Variants in EXOC4 observed in about 807,000 individuals in gnomAD.
EXOC4 encodes SEC8-like 1.
EXOC4 carries 71 observed loss-of-function variants against 107.2 expected under a neutral mutation model. The ratio of observed to expected loss-of-function variants is 0.66; its 90% CI spans 0.55 to 0.81. The LOEUF (loss-of-function observed/expected upper bound fraction) is 0.81. EXOC4 is among the 30% of genes least tolerant of loss of function. The pLI is 0.00. For synonymous variants in EXOC4, 456 were observed against 441.2 expected (o/e 1.03, Z -0.42); for missense variants, 1,108 against 1,189.6 (o/e 0.93, Z 1.01).
At chr7:133,599,814 AC>A in intron 9 of EXOC4, among the ~76,000 whole-genome samples, 1 of 151,484 alleles carries the variant, frequency 6.6e-6, no homozygotes, top group African/African-American at 2.4e-5. Flanking sequence ...ACTCATGTCC[AC>A]CTTGACATTA....
At chr7:133,894,475 A>G (rs1799255871) in intron 11 of EXOC4, among the ~76,000 whole-genome samples, 1 of 131,112 alleles carries the variant, frequency 7.6e-6, no homozygotes, top group African/African-American at 3.3e-5. Context: ...CTGGTGAGGA[A>G]CTGCGTTCCT....
intron 14 of EXOC4, among the ~76,000 whole-genome samples, chr7:133,991,784 G>T (rs1458387959): frequency 6.6e-6 from 1 of 152,050 alleles, no homozygotes; most frequent in Non-Finnish European, 1.5e-5. Context: ...TTATTTCTGG[G>T]TTCTCTATTC....
At chr7:133,671,318 C>CT (rs1386163083) in intron 10 of EXOC4, among the ~76,000 whole-genome samples, 1 of 152,152 alleles carries the variant, frequency 6.6e-6, no homozygotes, top group Non-Finnish European at 1.5e-5. Flanking sequence ...AATCACAGCA[C>CT]TTTGAGAGGC....
intron 10 of EXOC4, among the ~76,000 whole-genome samples, chr7:133,674,217 C>T (rs1199848223): frequency 1.3e-5 from 2 of 152,020 alleles, no homozygotes; most frequent in African/African-American, 2.4e-5. Context: ...AGCAATTGCT[C>T]GAAACCCTAG....
intron 9 of EXOC4, among the ~76,000 whole-genome samples, chr7:133,538,839 A>AG (rs1351882605): frequency 1.7e-5 from 2 of 118,424 alleles, no homozygotes; most frequent in Admixed American, 8.6e-5. Context: ...TCTTGAAAGA[A>AG]AAAGAAAGAA....
intron 9 of EXOC4, among the ~76,000 whole-genome samples, chr7:133,518,973 A>C (rs1375703485): frequency 6.6e-6 from 1 of 152,202 alleles, no homozygotes; most frequent in Non-Finnish European, 1.5e-5. Flanking sequence ...TAAAAATAGT[A>C]AAAATGGTAA....
chr7:133,541,596 C>G (rs1800380653), intron 9 of EXOC4, among the ~76,000 whole-genome samples: 1 of 152,072 alleles, frequency 6.6e-6, no homozygotes, highest in African/African-American at 2.4e-5. Context: ...ACCTCCTGGG[C>G]ACAAATGATC....
chr7:133,563,566 C>T (rs1255462092), intron 9 of EXOC4, among the ~76,000 whole-genome samples: 2 of 152,058 alleles, frequency 1.3e-5, no homozygotes, highest in Admixed American at 6.5e-5. Context: ...GCCTTTTCCT[C>T]CAAGCACCTG....
intron 10 of EXOC4, among the ~76,000 whole-genome samples, chr7:133,783,954 T>G (rs994380959): frequency 3.3e-5 from 5 of 152,174 alleles, no homozygotes; most frequent in Non-Finnish European, 7.3e-5. Flanking sequence ...TGGGACAACT[T>G]ATGCATGTAA....
intron 9 of EXOC4, among the ~76,000 whole-genome samples, chr7:133,503,670 G>C (rs1041296767): frequency 6.6e-6 from 1 of 152,020 alleles, no homozygotes; most frequent in African/African-American, 2.4e-5. Flanking sequence ...CATGCTTTTC[G>C]GCATCCAATA....
rs1794613831 is a variant in EXOC4 at position 134,005,005 on chromosome 7, G to T, written c.2442G>T (p.Val814=). Residue 814 remains valine (V), a synonymous_variant, in exon 16 of 18, where the codon GTG becomes GTT. Coordinates refer to ENST00000253861, the MANE Select transcript of EXOC4 (RefSeq NM_021807.4). Reference sequence around the variant, plus strand: ...AAAGTATGGATTATGACCCCCTGGTGGTCAAGCTCAACAAAGATATCAGCG... The same window carrying T: ...AAAGTATGGATTATGACCCCCTGGTTGTCAAGCTCAACAAAGATATCAGCG... ...NVESMDYDPL[V]VKLNKDISAI... 1 of 1,613,468 alleles carries T rather than the reference G, an allele frequency of 6.2e-7. No individual in the cohort carries two copies. The highest frequency in any genetic ancestry group is 8.5e-7 in the Non-Finnish European group (1 of 1,179,676).
At chr7:133,987,485 CG>C (rs1563081906) in intron 14 of EXOC4, among the ~76,000 whole-genome samples, 3 of 150,374 alleles carry the variant, frequency 2.0e-5, no homozygotes, top group African/African-American at 7.4e-5. Flanking sequence ...AGGAGGGAAG[CG>C]GGGAGGGAGA....
chr7:133,976,772 T>G (rs1793842798), intron 14 of EXOC4, among the ~76,000 whole-genome samples: 1 of 152,070 alleles, frequency 6.6e-6, no homozygotes. Flanking sequence ...GTTTACAAAT[T>G]GGTATGAATA....
intron 16 of EXOC4, among the ~76,000 whole-genome samples, chr7:134,005,742 T>C (rs1171458003): frequency 6.6e-6 from 1 of 152,208 alleles, no homozygotes; most frequent in Non-Finnish European, 1.5e-5. Context: ...CATGTTTTGG[T>C]TTGTTTGTAT....
At chr7:134,083,807 T>A in the EXOC4 span, among the ~76,000 whole-genome samples, 1 of 152,190 alleles carries the variant, frequency 6.6e-6, no homozygotes, top group East Asian at 1.9e-4. Flanking sequence ...AGATCCTACC[T>A]CTCAACAGGA....
chr7:134,022,659 C>G (rs1795053279), intron 17 of EXOC4, among the ~76,000 whole-genome samples: 1 of 152,260 alleles, frequency 6.6e-6, no homozygotes, highest in African/African-American at 2.4e-5. Context: ...TGGATAATAC[C>G]AACCTCTATG....
At chr7:133,704,115 G>T (rs1437822004) in intron 10 of EXOC4, among the ~76,000 whole-genome samples, 2 of 152,058 alleles carry the variant, frequency 1.3e-5, no homozygotes, top group African/African-American at 2.4e-5. Context: ...GATTTTAAAA[G>T]GAATAAATTA....
intron 9 of EXOC4, among the ~76,000 whole-genome samples, chr7:133,542,273 A>G (rs1563102270): frequency 6.6e-6 from 1 of 151,626 alleles, no homozygotes; most frequent in Non-Finnish European, 1.5e-5. Flanking sequence ...AGTATAGACA[A>G]TCATGTATAA....
At chr7:133,568,998 G>A (rs1159620678) in intron 9 of EXOC4, among the ~76,000 whole-genome samples, 1 of 152,078 alleles carries the variant, frequency 6.6e-6, no homozygotes, top group Non-Finnish European at 1.5e-5. Context: ...TTTTAGCAAA[G>A]TAAAAATAAG....
Sources: allele counts gnomAD v4.1 joint callset (sites outside exome capture counted in the v4.1 genomes callset), GRCh38; gene constraint gnomAD v4.1.1; transcripts MANE v1.5; gene names NCBI Gene and HGNC (gene_info 2026-07-23, HGNC 2026-07-21).